The following NTNG1 variants were observed in gnomAD, a reference collection of about 807,000 sequenced individuals.
NTNG1 encodes netrin G1, also known as netrin-G1.
Under a neutral mutation model 54.0 loss-of-function variants are expected in NTNG1, and 16 were observed. The observed-to-expected ratio is 0.30, with a 90% CI of 0.20 to 0.45. NTNG1 has a LOEUF of 0.45. Among genes scored for constraint, NTNG1 ranks in the 20% least tolerant of loss-of-function variants. The pLI is 1.00. For missense variants in NTNG1, 530 were observed against 678.7 expected (o/e 0.78, Z 2.43); for synonymous variants, 255 against 263.1 (o/e 0.97, Z 0.30).
At chr1:107,298,738 C>T (rs770888320) in intron 2 of NTNG1, among the ~76,000 whole-genome samples, 13 of 152,162 alleles carry the variant, frequency 8.5e-5, no homozygotes, top group Non-Finnish European at 1.3e-4. Context: ...CACATGCACA[C>T]ATCTGGCTGC....
chr1:107,455,114 A>T (rs1570997425), intron 7 of NTNG1, among the ~76,000 whole-genome samples: 1 of 148,636 alleles, frequency 6.7e-6, no homozygotes, highest in Non-Finnish European at 1.5e-5. Flanking sequence ...CCCAGGCTGG[A>T]GTGCAATGGG....
chr1:107,259,986 A>G (rs893788658), intron 2 of NTNG1, among the ~76,000 whole-genome samples: 3 of 152,164 alleles, frequency 2.0e-5, no homozygotes, highest in African/African-American at 7.2e-5. Flanking sequence ...GGGACACCAT[A>G]GAGCCGAGAT....
intron 3 of NTNG1, among the ~76,000 whole-genome samples, chr1:107,377,851 A>G (rs1671396990): frequency 6.6e-6 from 1 of 152,238 alleles, no homozygotes; most frequent in Non-Finnish European, 1.5e-5. Context: ...TCTCAAGCTG[A>G]AGTCCCTGCA....
intron 2 of NTNG1, among the ~76,000 whole-genome samples, chr1:107,246,685 A>T (rs1032080856): frequency 3.3e-5 from 5 of 152,146 alleles, no homozygotes; most frequent in African/African-American, 1.2e-4. Context: ...CTGAAATCTT[A>T]AATTTTGCAA....
intron 2 of NTNG1, among the ~76,000 whole-genome samples, chr1:107,217,777 A>G (rs1297672615): frequency 6.6e-6 from 1 of 152,044 alleles, no homozygotes; most frequent in Non-Finnish European, 1.5e-5. Context: ...TTTGGAGTTG[A>G]TTTCCAATTT....
In NTNG1 at chr1:107,484,760, C is replaced by T. The variant is rs1678931089; in HGVS notation, c.*3920C>T. ...ATCGAATATTTTGTTCCATCTCCTT[C>T]ACCCTCTACCATCAATAATCCAGTA... On this transcript the variant is annotated 3_prime_UTR_variant, in exon 8 of 8. Coordinates refer to ENST00000370068, the MANE Select transcript of NTNG1 (RefSeq NM_001113226.3). 2.0e-5 allele frequency among the ~76,000 whole-genome samples: 3 copies of T among 152,194 alleles called. No homozygotes were observed. The South Asian group carries it at 6.2e-4, about 31-fold the overall frequency.
chr1:107,388,265 A>G (rs114038146), intron 3 of NTNG1, among the ~76,000 whole-genome samples: 1,656 of 152,340 alleles, frequency 0.011, 15 homozygotes, highest in South Asian at 0.03. Flanking sequence ...TGTGTCAGAT[A>G]CTATCTTAAG....
At position 107,189,224 on chromosome 1, in the gene NTNG1, G is replaced by A. The variant is rs566875379; in HGVS notation, c.246+40385G>A. 2.0e-3 allele frequency among the ~76,000 whole-genome samples: 300 copies of A among 151,686 alleles called. 1 individual carries two copies. The highest frequency in any genetic ancestry group is 6.9e-3 in the African/African-American group (286 of 41,346). ...AAATTAGCTGGGAGTGGTAGTTCACGCCTGTAGTTCCACCTACTCCAAAGG... is the reference window on the plus strand; with the variant it reads ...AAATTAGCTGGGAGTGGTAGTTCACACCTGTAGTTCCACCTACTCCAAAGG... On this transcript the variant is annotated intron_variant, in intron 2 of 7. Coordinates refer to ENST00000370068, the MANE Select transcript of NTNG1 (RefSeq NM_001113226.3).
chr1:107,307,865 T>C (rs993652809), intron 2 of NTNG1, among the ~76,000 whole-genome samples: 6 of 152,180 alleles, frequency 3.9e-5, no homozygotes, highest in Non-Finnish European at 5.9e-5. Flanking sequence ...CCTTCTAATC[T>C]CTAGTAACTA....
chr1:107,199,623 A>T (rs975637901), intron 2 of NTNG1, among the ~76,000 whole-genome samples: 110 of 152,058 alleles, frequency 7.2e-4, no homozygotes, highest in African/African-American at 2.6e-3. Context: ...GAAGGCTTAG[A>T]AGAAATTACC....
chr1:107,231,090 G>A (rs1279660960), intron 2 of NTNG1, among the ~76,000 whole-genome samples: 1 of 152,156 alleles, frequency 6.6e-6, no homozygotes, highest in African/African-American at 2.4e-5. Flanking sequence ...GAGAGTCTCT[G>A]TTTCCTTGCC....
At chr1:107,273,525 G>A (rs1383251790) in intron 2 of NTNG1, among the ~76,000 whole-genome samples, 1 of 152,114 alleles carries the variant, frequency 6.6e-6, no homozygotes, top group African/African-American at 2.4e-5. Flanking sequence ...AGAAGGAACA[G>A]GGATCTGAAA....
At chr1:107,370,522 C>G (rs1670856857) in intron 3 of NTNG1, among the ~76,000 whole-genome samples, 1 of 151,882 alleles carries the variant, frequency 6.6e-6, no homozygotes. Context: ...TTCATACTTT[C>G]CACCGAGTCC....
intron 3 of NTNG1, among the ~76,000 whole-genome samples, chr1:107,380,211 A>AT (rs753523491): frequency 2.6e-5 from 4 of 152,166 alleles, no homozygotes. Flanking sequence ...CCATCAAATG[A>AT]TTTTTGATAA....
At chr1:107,280,049 G>GTGTGTA (rs1664732408) in intron 2 of NTNG1, among the ~76,000 whole-genome samples, 1 of 151,146 alleles carries the variant, frequency 6.6e-6, no homozygotes, top group Non-Finnish European at 1.5e-5. Context: ...GTGTGTGTGT[G>GTGTGTA]TGTGTGTGTG....
At chr1:107,280,596 G>T (rs1245815623) in intron 2 of NTNG1, among the ~76,000 whole-genome samples, 1 of 140,668 alleles carries the variant, frequency 7.1e-6, no homozygotes, top group Admixed American at 7.4e-5. Context: ...TTGGGAAGTT[G>T]GCATGGCTTT....
intron 2 of NTNG1, among the ~76,000 whole-genome samples, chr1:107,189,852 C>T (rs939668704): frequency 3.3e-5 from 5 of 149,836 alleles, no homozygotes; most frequent in Non-Finnish European, 7.4e-5. Context: ...CTTACTGGAT[C>T]AGGTATTTGT....
In NTNG1 at chr1:107,436,525, A is replaced by C. The variant is rs1019402645; in HGVS notation, c.1256-140A>C. On this transcript the variant is annotated intron_variant, in intron 6 of 7. Coordinates refer to ENST00000370068, the MANE Select transcript of NTNG1 (RefSeq NM_001113226.3). Reference sequence around the variant, plus strand: ...GCGAATAAATAAATGGTTGTGAAATAGCCATATTTGCCGAAGCATTTCATT... The same window carrying C: ...GCGAATAAATAAATGGTTGTGAAATCGCCATATTTGCCGAAGCATTTCATT... 6.9e-6 allele frequency: 4 copies of C among 582,324 alleles called. No homozygotes were observed. The African/African-American group carries it at 7.6e-5, about 11-fold the overall frequency. The allele number at this position is 582,324 out of a possible 1,614,324, so 36.1% of individuals were successfully genotyped here.
At chr1:107,434,555 G>A (rs1489254139) in intron 6 of NTNG1, among the ~76,000 whole-genome samples, 1 of 152,112 alleles carries the variant, frequency 6.6e-6, no homozygotes, top group Non-Finnish European at 1.5e-5. Flanking sequence ...ATGAAACAGA[G>A]CTCAGCAGCT....
Sources: allele counts gnomAD v4.1 joint callset (sites outside exome capture counted in the v4.1 genomes callset), GRCh38; gene constraint gnomAD v4.1.1; transcripts MANE v1.5; gene names NCBI Gene and HGNC (gene_info 2026-07-23, HGNC 2026-07-21).